Variants in GBE1 observed in about 807,000 individuals in gnomAD.
The protein encoded by GBE1 is 1,4-alpha-glucan-branching enzyme.
GBE1 carries 70 observed loss-of-function variants against 88.8 expected under a neutral mutation model. That is an observed-to-expected ratio of 0.79 (90% CI 0.65 to 0.96). The LOEUF is 0.96. Among genes scored for constraint, GBE1 ranks in the 40% least tolerant of loss-of-function variants. The pLI is 0.00. For missense variants in GBE1, 872 were observed against 871.0 expected, an observed-to-expected ratio of 1.00 and a Z score of -0.01; for synonymous variants, 284 against 300.1, an observed-to-expected ratio of 0.95 and a Z score of 0.56.
chr3:81,607,349 G>A (rs564323647), intron 7 of GBE1, among the ~76,000 whole-genome samples: 2 of 152,200 alleles, frequency 1.3e-5, no homozygotes, highest in African/African-American at 2.4e-5. Context: ...AGGAGATCAG[G>A]ACCATCCTGG....
At chr3:81,756,376 T>C (rs1324023447) in intron 1 of GBE1, among the ~76,000 whole-genome samples, 1 of 152,196 alleles carries the variant, frequency 6.6e-6, no homozygotes, top group African/African-American at 2.4e-5. Flanking sequence ...ATAGACTCAC[T>C]GGTATGGCAC....
At chr3:81,567,408 T>A (rs1292636748) in intron 12 of GBE1, among the ~76,000 whole-genome samples, 1 of 152,248 alleles carries the variant, frequency 6.6e-6, no homozygotes, top group Non-Finnish European at 1.5e-5. Context: ...ATTAGTATCA[T>A]GGCTCTAGCA....
At chr3:81,719,190 AT>A (rs1705985100) in intron 1 of GBE1, among the ~76,000 whole-genome samples, 1 of 151,994 alleles carries the variant, frequency 6.6e-6, no homozygotes, top group African/African-American at 2.4e-5. Context: ...TTCCTATTTT[AT>A]TTTTGGGATT....
intron 7 of GBE1, chr3:81,612,414 C>T: frequency 2.3e-6 from 2 of 878,954 alleles, no homozygotes; most frequent in Non-Finnish European, 3.7e-6. Context: ...ATTTTATTTT[C>T]AAAGTAAGGA....
At chr3:81,761,295 G>C (rs1452299938) in intron 1 of GBE1, 80 bp downstream of exon 1, 2 of 1,506,860 alleles carry the variant, frequency 1.3e-6, no homozygotes, top group East Asian at 4.9e-5. Flanking sequence ...CGCGAGGGCC[G>C]AGGGGCGGCC....
chr3:81,653,487 A>C (rs77842946), intron 3 of GBE1, among the ~76,000 whole-genome samples: 1 of 148,790 alleles, frequency 6.7e-6, no homozygotes, highest in Non-Finnish European at 1.5e-5. Context: ...CCCTGTCTAC[A>C]AAAAAAAAAT....
chr3:81,719,867 A>G (rs550641409), intron 1 of GBE1, among the ~76,000 whole-genome samples: 1 of 152,316 alleles, frequency 6.6e-6, no homozygotes, highest in Admixed American at 6.5e-5. Context: ...GACACTTTGC[A>G]TATCAACAAA....
intron 7 of GBE1, among the ~76,000 whole-genome samples, chr3:81,641,675 C>A (rs1324180847): frequency 6.6e-6 from 1 of 151,840 alleles, no homozygotes; most frequent in Non-Finnish European, 1.5e-5. Context: ...ATGAGTGATT[C>A]CTGAATGGCT....
chr3:81,712,621 G>C (rs1446180674), intron 1 of GBE1, among the ~76,000 whole-genome samples: 5 of 151,772 alleles, frequency 3.3e-5, no homozygotes, highest in African/African-American at 4.8e-5. Context: ...ACACAGGAAG[G>C]GGAACATCAC....
intron 7 of GBE1, among the ~76,000 whole-genome samples, chr3:81,623,053 C>A (rs1704354399): frequency 6.6e-6 from 1 of 152,128 alleles, no homozygotes; most frequent in South Asian, 2.1e-4. Context: ...TACCATTTCC[C>A]TGATCCAAAC....
Position 81,577,758 on chromosome 3 carries a change from C to T in GBE1, c.1618+167G>A, listed in dbSNP as rs6548770. ...ATCATATATTAATATAATAACCTTA[C>T]AGTGATTTAATTTTATTCTTGCAAT... On this transcript the variant is annotated intron_variant, in intron 12 of 15. Coordinates refer to ENST00000429644, the MANE Select transcript of GBE1 (RefSeq NM_000158.4). Among the ~76,000 whole-genome samples the T allele has an allele frequency of 0.67, 101,632 of 152,038 alleles. 36,221 individuals carry two copies. Among genetic ancestry groups the T allele is most frequent in the African/African-American group, 0.92 (38,259 of 41,540 alleles).
chr3:81,508,214 C>T (rs374928024), intron 14 of GBE1, among the ~76,000 whole-genome samples: 10 of 152,220 alleles, frequency 6.6e-5, no homozygotes, highest in East Asian at 1.9e-4. Context: ...AAATACTTTA[C>T]GGAATACTTC....
At position 81,761,490 on chromosome 3, in the gene GBE1, G is replaced by A. The variant is rs878955615; in HGVS notation, c.28C>T (p.Arg10Trp). Reference protein sequence around the residue: MAAPMTPAARPEDYEAALNA... With the variant: MAAPMTPAAWPEDYEAALNA... ...AGCGCCGCCTCGTAGTCCTCGGGCC[G>A]AGCCGCGGGAGTCATCGGAGCCGCC... The change falls in exon 1 of 16, where the codon CGG (arginine) becomes TGG (tryptophan). Residue 10 changes from arginine to tryptophan, a missense_variant. Transcript: ENST00000429644. 3 of 1,607,984 alleles carry A rather than the reference G, an allele frequency of 1.9e-6. No homozygotes were observed. Among genetic ancestry groups the A allele is most frequent in the Non-Finnish European group, 2.5e-6 (3 of 1,178,020 alleles).
chr3:81,736,978 G>T (rs1298010750), intron 1 of GBE1, among the ~76,000 whole-genome samples: 1 of 152,022 alleles, frequency 6.6e-6, no homozygotes, highest in Non-Finnish European at 1.5e-5. Flanking sequence ...GTAGAAGCAG[G>T]AAGGCTGGTA....
At chr3:81,596,099 C>T (rs1289033287) in intron 7 of GBE1, among the ~76,000 whole-genome samples, 2 of 151,600 alleles carry the variant, frequency 1.3e-5, no homozygotes, top group African/African-American at 4.8e-5. Context: ...TAATGAAACA[C>T]AATAGACAAA....
chr3:81,518,228 T>C (rs1191183767), intron 14 of GBE1, among the ~76,000 whole-genome samples: 1 of 151,432 alleles, frequency 6.6e-6, no homozygotes, highest in African/African-American at 2.4e-5. Context: ...ACTGGGCTAT[T>C]GTTAGATGAC....
Position 81,745,549 on chromosome 3 carries a change from G to C in GBE1, c.143+15826C>G, listed in dbSNP as rs111656170. ...TTATAACAATAATAATTATTGTAAT[G>C]ATGGTGATGATTATTATTATTATCA... On this transcript the variant is annotated intron_variant, in intron 1 of 15. Coordinates refer to ENST00000429644, the MANE Select transcript of GBE1 (RefSeq NM_000158.4). Among the ~76,000 whole-genome samples, 104 of 151,884 alleles carry C rather than the reference G, an allele frequency of 6.8e-4. 2 individuals carry two copies. The highest frequency in any genetic ancestry group is 2.4e-3 in the African/African-American group (98 of 41,460).
intron 14 of GBE1, among the ~76,000 whole-genome samples, chr3:81,503,106 G>C (rs1157389800): frequency 6.6e-6 from 1 of 151,966 alleles, no homozygotes; most frequent in African/African-American, 2.4e-5. Context: ...TTATAATTGA[G>C]GAAAGTACAA....
At chr3:81,529,867 A>G (rs1702990874) in intron 14 of GBE1, among the ~76,000 whole-genome samples, 1 of 151,878 alleles carries the variant, frequency 6.6e-6, no homozygotes, top group South Asian at 2.1e-4. Flanking sequence ...CTGGGCTTGG[A>G]AAGTTCTCCG....
Sources: allele counts gnomAD v4.1 joint callset (sites outside exome capture counted in the v4.1 genomes callset), GRCh38; gene constraint gnomAD v4.1.1; transcripts MANE v1.5; gene names NCBI Gene and HGNC (gene_info 2026-07-23, HGNC 2026-07-21).